Variants in ZMAT4 observed in about 807,000 individuals in gnomAD.
ZMAT4 encodes the protein zinc finger matrin-type 4.
A neutral mutation model predicts 28.7 loss-of-function variants in ZMAT4; 17 were observed. That is an observed-to-expected ratio of 0.59 (90% CI 0.41 to 0.89). The LOEUF (loss-of-function observed/expected upper bound fraction) is 0.89. Among genes scored for constraint, ZMAT4 ranks in the 40% least tolerant of loss-of-function variants. ZMAT4 has a pLI of 0.00. For synonymous variants in ZMAT4, 117 were observed against 109.2 expected (o/e 1.07, Z -0.44); for missense variants, 240 against 283.8 (o/e 0.85, Z 1.11).
chr8:40,786,684 C>T (rs1007553277), intron 2 of ZMAT4: 1 of 1,287,944 alleles, frequency 7.8e-7, no homozygotes, highest in East Asian at 5.5e-5. Flanking sequence ...TGCCTCCCAA[C>T]TTACGGGTCA....
intron 2 of ZMAT4, among the ~76,000 whole-genome samples, chr8:40,787,933 A>G (rs1280796710): frequency 6.6e-6 from 1 of 152,246 alleles, no homozygotes; most frequent in Non-Finnish European, 1.5e-5. Flanking sequence ...GGAAAGCAAA[A>G]CTATGGATAA....
chr8:40,813,597 G>C (rs1005984239), intron 2 of ZMAT4, among the ~76,000 whole-genome samples: 1 of 152,248 alleles, frequency 6.6e-6, no homozygotes, highest in African/African-American at 2.4e-5. Context: ...GCAAGTGACG[G>C]CTTGCCAAAG....
intron 6 of ZMAT4, among the ~76,000 whole-genome samples, chr8:40,564,406 C>T (rs1436261034): frequency 3.3e-5 from 5 of 152,142 alleles, no homozygotes; most frequent in Non-Finnish European, 4.4e-5. Context: ...CTTCTCTCCC[C>T]CTGTCAATGA....
At chr8:40,857,223 C>T (rs1817329286) in intron 1 of ZMAT4, among the ~76,000 whole-genome samples, 1 of 151,944 alleles carries the variant, frequency 6.6e-6, no homozygotes, top group Admixed American at 6.6e-5. Flanking sequence ...GAAAGAAAAA[C>T]ATGGATCTAT....
chr8:40,730,989 G>T (rs1035464088), intron 3 of ZMAT4, among the ~76,000 whole-genome samples: 2 of 152,164 alleles, frequency 1.3e-5, no homozygotes, highest in Admixed American at 6.6e-5. Flanking sequence ...AGGATACTGT[G>T]TATGGGTTCC....
At chr8:40,714,560 G>A (rs999853955) in intron 3 of ZMAT4, among the ~76,000 whole-genome samples, 2 of 152,102 alleles carry the variant, frequency 1.3e-5, no homozygotes, top group Non-Finnish European at 2.9e-5. Context: ...AGCTTTTTAT[G>A]GGGTGTCAAC....
chr8:40,626,290 A>G (rs1297510987), intron 5 of ZMAT4, among the ~76,000 whole-genome samples: 1 of 151,430 alleles, frequency 6.6e-6, no homozygotes, highest in East Asian at 1.9e-4. Context: ...GCTAGTGAGG[A>G]GAAAACCAGC....
At chr8:40,867,371 T>C (rs1330744453) in intron 1 of ZMAT4, among the ~76,000 whole-genome samples, 2 of 152,220 alleles carry the variant, frequency 1.3e-5, no homozygotes, top group East Asian at 1.9e-4. Context: ...AAGCTTGCCG[T>C]AGCGTCTGTT....
chr8:40,667,139 T>C (rs1808449302), intron 5 of ZMAT4, among the ~76,000 whole-genome samples: 1 of 151,884 alleles, frequency 6.6e-6, no homozygotes, highest in African/African-American at 2.4e-5. Flanking sequence ...ATAATTTCTT[T>C]TTTTTTTATT....
chr8:40,666,500 A>G (rs574849299), intron 5 of ZMAT4, among the ~76,000 whole-genome samples: 1 of 152,280 alleles, frequency 6.6e-6, no homozygotes, highest in African/African-American at 2.4e-5. Context: ...GAATAACACA[A>G]TTTCACAGGG....
chr8:40,892,900 C>T (rs1818745101), intron 1 of ZMAT4, among the ~76,000 whole-genome samples: 1 of 152,190 alleles, frequency 6.6e-6, no homozygotes, highest in South Asian at 2.1e-4. Flanking sequence ...CCTTGCCTTT[C>T]CCTCCTCACA....
chr8:40,796,513 C>T (rs1392458505), intron 2 of ZMAT4, among the ~76,000 whole-genome samples: 1 of 152,070 alleles, frequency 6.6e-6, no homozygotes, highest in African/African-American at 2.4e-5. Flanking sequence ...CTAACCAGAA[C>T]CCTTGAATCT....
rs182063104 is a variant in ZMAT4 at position 40,698,144 on chromosome 8, A to G, written c.193-743T>C. 1.2e-4 allele frequency among the ~76,000 whole-genome samples: 18 copies of G among 152,320 alleles called. No individual in the cohort carries two copies. In the East Asian group the frequency reaches 3.5e-3, roughly 29 times the overall value. Reference sequence around the variant, plus strand: ...TAACTCGATTCTGTATCATAAAGCTATGATGACTGTGCTGGCTGGATTTTC... The same window carrying G: ...TAACTCGATTCTGTATCATAAAGCTGTGATGACTGTGCTGGCTGGATTTTC... On this transcript the variant is annotated intron_variant, in intron 3 of 6. Coordinates refer to ENST00000297737, the MANE Select transcript of ZMAT4 (RefSeq NM_024645.3).
chr8:40,598,620 GT>G (rs1405729163), intron 5 of ZMAT4, among the ~76,000 whole-genome samples: 1 of 152,098 alleles, frequency 6.6e-6, no homozygotes, highest in Non-Finnish European at 1.5e-5. Flanking sequence ...TCATTGATGG[GT>G]ATTTGGGTTG....
chr8:40,801,115 C>T (rs1387071025), intron 2 of ZMAT4, among the ~76,000 whole-genome samples: 1 of 151,342 alleles, frequency 6.6e-6, no homozygotes, highest in African/African-American at 2.4e-5. Context: ...AATTTAATAA[C>T]CTAGATGAAA....
chr8:40,721,299 G>A (rs1303404648), intron 3 of ZMAT4, among the ~76,000 whole-genome samples: 1 of 135,586 alleles, frequency 7.4e-6, no homozygotes, highest in South Asian at 2.6e-4. Flanking sequence ...CCCTACAAAG[G>A]ACATGAACTC....
chr8:40,795,099 C>T lies in ZMAT4; in HGVS notation c.103-27369G>A, dbSNP rs903953235. Among the ~76,000 whole-genome samples the T allele has an allele frequency of 5.9e-5, 9 of 152,268 alleles. No individual in the cohort carries two copies. In the South Asian group the frequency reaches 1.0e-3, roughly 18 times the overall value. ...TCATCAGCAATGCTATTCTATGATC[C>T]TGGCATTATGGTATAACTCCCCAGA... is the stretch of plus-strand genomic sequence containing the variant. On this transcript the variant is annotated intron_variant, in intron 2 of 6. Coordinates refer to ENST00000297737, the MANE Select transcript of ZMAT4 (RefSeq NM_024645.3).
At chr8:40,609,356 G>A (rs1031385) in intron 5 of ZMAT4, among the ~76,000 whole-genome samples, 116,780 of 152,002 alleles carry the variant, frequency 0.77, 45,048 homozygotes, top group East Asian at 0.97. Context: ...ATTGGTCTAT[G>A]AGCTACTGTT....
intron 1 of ZMAT4, among the ~76,000 whole-genome samples, chr8:40,832,429 G>C (rs1816317143): frequency 6.6e-6 from 1 of 152,086 alleles, no homozygotes; most frequent in African/African-American, 2.4e-5. Context: ...ATGACCTACT[G>C]CTGCCCTCCA....
Sources: gnomAD v4.1 joint callset for allele counts (sites outside exome capture counted in the v4.1 genomes callset) on GRCh38, gnomAD v4.1.1 for gene constraint, MANE v1.5 for transcripts, NCBI Gene and HGNC (gene_info 2026-07-23, HGNC 2026-07-21) for gene names.